The following KIAA1217 variants were observed in gnomAD, a reference collection of about 807,000 sequenced individuals.
KIAA1217 encodes sickle tail protein homolog.
In KIAA1217, 88 loss-of-function variants were observed where a neutral mutation model predicts 163.9. That is an observed-to-expected ratio of 0.54 (90% CI 0.45 to 0.64). The LOEUF is 0.64. Ranked by LOEUF, KIAA1217 falls within the 30% of genes least tolerant of loss-of-function variation. KIAA1217 has a pLI of 0.00. For synonymous variants in KIAA1217, 903 were observed against 923.1 expected (o/e 0.98, Z 0.39); for missense variants, 2,372 against 2,475.0 (o/e 0.96, Z 0.88).
At chr10:24,132,821 C>T (rs1050516311) in intron 2 of KIAA1217, among the ~76,000 whole-genome samples, 4 of 152,118 alleles carry the variant, frequency 2.6e-5, no homozygotes, top group South Asian at 4.1e-4. Context: ...GGCTGTCTGC[C>T]GCCTCACCTA....
At chr10:23,989,527 A>G (rs1846123754) in intron 1 of KIAA1217, among the ~76,000 whole-genome samples, 1 of 152,172 alleles carries the variant, frequency 6.6e-6, no homozygotes, top group South Asian at 2.1e-4. Flanking sequence ...CCCTCTGAAT[A>G]TAGAGCAGGT....
chr10:23,775,857 C>A (rs1186563557), intron 1 of KIAA1217, among the ~76,000 whole-genome samples: 2 of 152,080 alleles, frequency 1.3e-5, no homozygotes, highest in Non-Finnish European at 2.9e-5. Context: ...CTTTTTTTCC[C>A]ACTGGTCAGT....
intron 1 of KIAA1217, among the ~76,000 whole-genome samples, chr10:23,789,590 A>G (rs928730799): frequency 1.3e-5 from 2 of 152,134 alleles, no homozygotes; most frequent in African/African-American, 4.8e-5. Context: ...AAGCCTTGGC[A>G]AGATACATAG....
At chr10:24,259,550 A>G (rs942176836) in intron 2 of KIAA1217, among the ~76,000 whole-genome samples, 2 of 152,224 alleles carry the variant, frequency 1.3e-5, no homozygotes, top group African/African-American at 4.8e-5. Context: ...TGGTGGTTGC[A>G]GATGCGATGA....
chr10:23,703,078 T>C (rs1233164865), intron 1 of KIAA1217, among the ~76,000 whole-genome samples: 1 of 152,076 alleles, frequency 6.6e-6, no homozygotes, highest in South Asian at 2.1e-4. Context: ...CTAGTGGCGA[T>C]TAGAACATCT....
rs1030756816 is a variant in KIAA1217, at chr10:24,544,969, T to C, written c.5212-12T>C. 3 of 1,612,650 alleles carry C rather than the reference T, an allele frequency of 1.9e-6. No individual in the cohort carries two copies. Among genetic ancestry groups the C allele is most frequent in the African/African-American group, 1.3e-5 (1 of 74,846 alleles). On this transcript the variant is annotated splice_polypyrimidine_tract_variant and intron_variant, in intron 19 of 20. Transcript: ENST00000376454. ...CTCCTTCTCTTCCCCCTCTCACTGG[T>C]CCTTCCCACAGGGCTCCAGCGGGGC...
At chr10:24,190,025 TA>T (rs78009696) in intron 2 of KIAA1217, among the ~76,000 whole-genome samples, 1,901 of 127,020 alleles carry the variant, frequency 0.015, 19 homozygotes, top group African/African-American at 0.034. Flanking sequence ...TGTCTCTATT[TA>T]AAAAAAAAAA....
chr10:24,458,352 GGAA>G lies in KIAA1217; in HGVS notation c.847-14870_847-14868del, dbSNP rs1452637252. Among the ~76,000 whole-genome samples the G allele has an allele frequency of 1.1e-4, 16 of 152,266 alleles. No homozygotes were observed. The East Asian group carries it at 2.3e-3, about 22-fold the overall frequency. On this transcript the variant is annotated intron_variant, in intron 5 of 20. Coordinates refer to ENST00000376454, the MANE Select transcript of KIAA1217 (RefSeq NM_019590.5). ...CGTGAGTACCCTAGAGTCATTACTT[GGAA>G]GAAGATTTTTTTTGCTCCCCACATT... is the stretch of plus-strand genomic sequence containing the variant.
chr10:24,101,393 T>C (rs1325730797), intron 2 of KIAA1217, among the ~76,000 whole-genome samples: 2 of 152,168 alleles, frequency 1.3e-5, no homozygotes, highest in African/African-American at 2.4e-5. Flanking sequence ...AGTTCTAAAA[T>C]TTGTTTTTAA....
chr10:24,389,051 C>T (rs139206703), intron 3 of KIAA1217, among the ~76,000 whole-genome samples: 1,862 of 152,160 alleles, frequency 0.012, 37 homozygotes, highest in African/African-American at 0.042. Context: ...CATCCCATTA[C>T]TGGGCATATA....
intron 1 of KIAA1217, among the ~76,000 whole-genome samples, chr10:23,934,622 TA>T (rs1422595486): frequency 1.5e-4 from 14 of 92,926 alleles, no homozygotes; most frequent in African/African-American, 9.3e-4. Context: ...TATATATATA[TA>T]TATTTTTTTT....
chr10:23,748,010 A>G (rs1277639910), intron 1 of KIAA1217, among the ~76,000 whole-genome samples: 2 of 152,186 alleles, frequency 1.3e-5, no homozygotes, highest in Non-Finnish European at 1.5e-5. Context: ...TGTGGAATCA[A>G]TTCCATTGGA....
chr10:23,989,819 T>C (rs10828584), intron 1 of KIAA1217, among the ~76,000 whole-genome samples: 31,592 of 151,808 alleles, frequency 0.21, 3,560 homozygotes, highest in East Asian at 0.47. Context: ...AAGATAAGAG[T>C]TTAGGTTTAT....
At chr10:24,248,020 G>A (rs1028599370) in intron 2 of KIAA1217, among the ~76,000 whole-genome samples, 4 of 152,232 alleles carry the variant, frequency 2.6e-5, no homozygotes, top group African/African-American at 9.6e-5. Context: ...AGTTTCTACA[G>A]TGGCTGAGAT....
At chr10:23,950,406 T>G (rs572136361) in intron 1 of KIAA1217, among the ~76,000 whole-genome samples, 1 of 152,232 alleles carries the variant, frequency 6.6e-6, no homozygotes, top group South Asian at 2.1e-4. Context: ...TTTTTTATTT[T>G]TTTCCCTTGG....
chr10:23,738,457 T>G (rs1358416254), intron 1 of KIAA1217, among the ~76,000 whole-genome samples: 1 of 152,222 alleles, frequency 6.6e-6, no homozygotes, highest in South Asian at 2.1e-4. Context: ...CTGAAAATGC[T>G]TCTCAAGTTT....
chr10:24,201,395 C>T (rs2067247112), intron 2 of KIAA1217, among the ~76,000 whole-genome samples: 1 of 152,178 alleles, frequency 6.6e-6, no homozygotes, highest in Admixed American at 6.5e-5. Context: ...TTATCCCACT[C>T]AATATTGTCC....
At chr10:24,454,689 C>G (rs2061634560) in intron 5 of KIAA1217, among the ~76,000 whole-genome samples, 1 of 152,050 alleles carries the variant, frequency 6.6e-6, no homozygotes, top group Non-Finnish European at 1.5e-5. Context: ...CAGTCACTTA[C>G]AAGGAAGGAG....
chr10:24,368,511 T>A (rs1325193405), intron 2 of KIAA1217, among the ~76,000 whole-genome samples: 2 of 152,150 alleles, frequency 1.3e-5, no homozygotes, highest in Non-Finnish European at 1.5e-5. Context: ...TTTCTTGAAG[T>A]GCTTTTTTGG....
Sources: gnomAD v4.1 joint callset for allele counts (sites outside exome capture counted in the v4.1 genomes callset) on GRCh38, gnomAD v4.1.1 for gene constraint, MANE v1.5 for transcripts, NCBI Gene and HGNC (gene_info 2026-07-23, HGNC 2026-07-21) for gene names.